The following TNR variants were observed in gnomAD, a reference collection of about 807,000 sequenced individuals.
TNR encodes tenascin R.
A neutral mutation model predicts 150.4 loss-of-function variants in TNR; 45 were observed. That is an observed-to-expected ratio of 0.30 (90% CI 0.24 to 0.38). TNR has a LOEUF of 0.38. TNR is among the 10% of genes least tolerant of loss of function. The pLI is 1.00. For synonymous variants in TNR, 687 were observed against 678.4 expected, an observed-to-expected ratio of 1.01 and a Z score of -0.20; for missense variants, 1,544 against 1,759.1, an observed-to-expected ratio of 0.88 and a Z score of 2.19.
chr1:175,421,208 C>G, intron 2 of TNR, among the ~76,000 whole-genome samples: 1 of 152,176 alleles, frequency 6.6e-6, no homozygotes, highest in East Asian at 1.9e-4. Context: ...TGCTGTTTCT[C>G]TCTATGGATT....
intron 2 of TNR, among the ~76,000 whole-genome samples, chr1:175,504,528 C>T (rs1486938388): frequency 6.6e-6 from 1 of 152,172 alleles, no homozygotes; most frequent in Non-Finnish European, 1.5e-5. Flanking sequence ...GTCGGGTGCT[C>T]ATTTCTCCCC....
At chr1:175,449,387 G>A (rs968492465) in intron 2 of TNR, among the ~76,000 whole-genome samples, 9 of 152,016 alleles carry the variant, frequency 5.9e-5, no homozygotes, top group Non-Finnish European at 1.2e-4. Flanking sequence ...GTATCTCAAG[G>A]GTGGGCTAGT....
chr1:175,467,519 C>G (rs143739343), intron 2 of TNR, among the ~76,000 whole-genome samples: 1 of 152,068 alleles, frequency 6.6e-6, no homozygotes, highest in African/African-American at 2.4e-5. Context: ...CCTTTCTAGC[C>G]GGGGGATGTC....
chr1:175,588,784 G>A (rs1054112253), intron 1 of TNR, among the ~76,000 whole-genome samples: 6 of 152,122 alleles, frequency 3.9e-5, no homozygotes, highest in African/African-American at 1.4e-4. Context: ...GAATGGCTAA[G>A]TAACTTGGTC....
intron 1 of TNR, among the ~76,000 whole-genome samples, chr1:175,600,757 G>A (rs966838433): frequency 3.9e-5 from 6 of 152,276 alleles, no homozygotes; most frequent in African/African-American, 9.6e-5. Flanking sequence ...CTTACCTTAC[G>A]GGCTTTCAGT....
intron 1 of TNR, among the ~76,000 whole-genome samples, chr1:175,705,699 G>A (rs1666829017): frequency 6.6e-6 from 1 of 152,098 alleles, no homozygotes; most frequent in African/African-American, 2.4e-5. Flanking sequence ...TGGATCCCAT[G>A]TGTCTTGATT....
At chr1:175,335,928 C>CA (rs1461859932) in intron 19 of TNR, 121 bp from the exon 20 acceptor site, 1 of 782,334 alleles carries the variant, frequency 1.3e-6, no homozygotes, top group African/African-American at 1.8e-5. Context: ...TCTGCAATGA[C>CA]AAAGATGTCC....
At chr1:175,645,358 G>A (rs1664780501) in intron 1 of TNR, among the ~76,000 whole-genome samples, 1 of 152,174 alleles carries the variant, frequency 6.6e-6, no homozygotes, top group South Asian at 2.1e-4. Flanking sequence ...ATGAAGATAG[G>A]CTTTAAGATT....
At chr1:175,329,104 G>C (rs1392670695) in intron 21 of TNR, among the ~76,000 whole-genome samples, 1 of 152,194 alleles carries the variant, frequency 6.6e-6, no homozygotes, top group Non-Finnish European at 1.5e-5. Context: ...TCTCTTTGGA[G>C]TATCTGGCTA....
At chr1:175,440,501 C>T (rs1305454885) in intron 2 of TNR, among the ~76,000 whole-genome samples, 1 of 149,164 alleles carries the variant, frequency 6.7e-6, no homozygotes, top group South Asian at 2.1e-4. Context: ...ATGTTGTGCA[C>T]ATGTACCCTA....
At chr1:175,577,968 G>A (rs897512007) in intron 1 of TNR, among the ~76,000 whole-genome samples, 2 of 152,122 alleles carry the variant, frequency 1.3e-5, no homozygotes, top group East Asian at 1.9e-4. Context: ...CCTGAACCTC[G>A]GCTTCCTCCT....
intron 2 of TNR, among the ~76,000 whole-genome samples, chr1:175,490,578 T>G (rs1039506819): frequency 1.3e-5 from 2 of 152,290 alleles, no homozygotes; most frequent in East Asian, 3.9e-4. Flanking sequence ...CAGACACTTC[T>G]CAAATGAAGA....
chr1:175,680,834 AT>A (rs1487478938), intron 1 of TNR, among the ~76,000 whole-genome samples: 9 of 152,340 alleles, frequency 5.9e-5, no homozygotes, highest in African/African-American at 2.2e-4. Flanking sequence ...TTGCCATGGT[AT>A]AAAGAAGTCA....
chr1:175,628,594 G>C (rs921095647), intron 1 of TNR, among the ~76,000 whole-genome samples: 1 of 152,016 alleles, frequency 6.6e-6, no homozygotes, highest in Non-Finnish European at 1.5e-5. Context: ...AGCTCATTGG[G>C]TGGTTTCCAG....
At chr1:175,713,697 G>A (rs1667081698) in intron 1 of TNR, among the ~76,000 whole-genome samples, 1 of 152,104 alleles carries the variant, frequency 6.6e-6, no homozygotes, top group Non-Finnish European at 1.5e-5. Context: ...GCAGGCAAAG[G>A]AAAAAGTCTT....
intron 2 of TNR, among the ~76,000 whole-genome samples, chr1:175,477,398 G>A (rs1410911703): frequency 2.0e-5 from 3 of 152,150 alleles, no homozygotes; most frequent in Admixed American, 6.6e-5. Context: ...ATAACCCCAC[G>A]TGGAGAGCTG....
chr1:175,464,937 G>A (rs1189551951), intron 2 of TNR, among the ~76,000 whole-genome samples: 1 of 152,106 alleles, frequency 6.6e-6, no homozygotes, highest in Non-Finnish European at 1.5e-5. Context: ...GAGAGAGAGG[G>A]CTGTTAGCTT....
chr1:175,660,304 C>T (rs1175559838), intron 1 of TNR, among the ~76,000 whole-genome samples: 1 of 152,236 alleles, frequency 6.6e-6, no homozygotes, highest in Non-Finnish European at 1.5e-5. Flanking sequence ...TTAGCTCATT[C>T]AGTTCCTACA....
chr1:175,652,782 T>C lies in TNR; in HGVS notation c.-165+90444A>G, dbSNP rs932446506. On this transcript the variant is annotated intron_variant, in intron 1 of 22. Coordinates refer to ENST00000367674, the MANE Select transcript of TNR (RefSeq NM_003285.3). ...AGAACTGTGAGTCAACTGAAACTCT[T>C]TTCTTCATAAATTACCCAGTCTCAG... 3.9e-5 allele frequency among the ~76,000 whole-genome samples: 6 copies of C among 152,316 alleles called. No individual in the cohort carries two copies. In the Middle Eastern group the frequency reaches 0.01, roughly 259 times the overall value.
Sources: gnomAD v4.1 joint callset for allele counts (sites outside exome capture counted in the v4.1 genomes callset) on GRCh38, gnomAD v4.1.1 for gene constraint, MANE v1.5 for transcripts, NCBI Gene and HGNC (gene_info 2026-07-23, HGNC 2026-07-21) for gene names.